TYW1B: variants seen among roughly 807,000 people sequenced by gnomAD.
TYW1B encodes the protein S-adenosyl-L-methionine-dependent tRNA 4-demethylwyosine synthase TYW1B.
A neutral mutation model predicts 86.9 loss-of-function variants in TYW1B; 73 were observed. The ratio of observed to expected loss-of-function variants is 0.84; its 90% CI spans 0.70 to 1.02. The LOEUF (loss-of-function observed/expected upper bound fraction) is 1.02, where lower values mean the gene tolerates loss of function less well. TYW1B is among the 50% of genes least tolerant of loss of function. The probability of loss-of-function intolerance (pLI) is 0.00; values close to 1 mark genes in which losing one functional copy is unlikely to be tolerated. For synonymous variants in TYW1B, 248 were observed against 292.8 expected (o/e 0.85, Z 1.56); for missense variants, 637 against 827.4 (o/e 0.77, Z 2.82).
chr7:72,771,222 A>G (rs1236601743), intron 7 of TYW1B, among the ~76,000 whole-genome samples: 1 of 152,138 alleles, frequency 6.6e-6, no homozygotes, highest in Non-Finnish European at 1.5e-5. Flanking sequence ...CTGGCCTCCC[A>G]AAGTGCTAGG....
intron 8 of TYW1B, among the ~76,000 whole-genome samples, chr7:72,743,752 G>C (rs546068127): frequency 6.6e-6 from 1 of 151,432 alleles, no homozygotes; most frequent in South Asian, 2.1e-4. Flanking sequence ...GCTGAGGCAG[G>C]AGAATCACTT....
intron 1 of TYW1B, among the ~76,000 whole-genome samples, chr7:72,827,694 G>A (rs1284991665): frequency 6.6e-6 from 1 of 152,024 alleles, no homozygotes; most frequent in Non-Finnish European, 1.5e-5. Flanking sequence ...ACTTGTAAAA[G>A]ATTCTCAAGT....
chr7:72,803,941 A>T (rs1229743406), intron 5 of TYW1B, among the ~76,000 whole-genome samples: 9 of 151,922 alleles, frequency 5.9e-5, no homozygotes, highest in Admixed American at 5.9e-4. Context: ...GAGGTGAAGT[A>T]GTTGTTTGTT....
At chr7:72,755,613 G>A (rs62466873) in intron 7 of TYW1B, among the ~76,000 whole-genome samples, 2,623 of 152,296 alleles carry the variant, frequency 0.017, 39 homozygotes, top group Non-Finnish European at 0.028. Context: ...GCAGTGAGCC[G>A]AGATCGTGCC....
At chr7:72,650,159 C>T in intron 11 of TYW1B, among the ~76,000 whole-genome samples, 1 of 151,680 alleles carries the variant, frequency 6.6e-6, no homozygotes, top group East Asian at 1.9e-4. Flanking sequence ...CGTGATCCAC[C>T]CACCTTGGCC....
At position 72,592,515 on chromosome 7, in the gene TYW1B, T is replaced by C. The variant is rs1811421175; in HGVS notation, c.1786-16796A>G. On this transcript the variant is annotated intron_variant, in intron 13 of 13. Transcript: ENST00000620995. ...AAAAAGCTGTAAGGCATATGAGAAA[T>C]AACAAAATGACAGAAGTAAATCCCT... Among the ~76,000 whole-genome samples the C allele has an allele frequency of 2.6e-5, 4 of 152,188 alleles. No individual in the cohort carries two copies. The South Asian group carries it at 8.3e-4, about 32-fold the overall frequency.
intron 12 of TYW1B, among the ~76,000 whole-genome samples, chr7:72,627,346 G>T (rs1320885308): frequency 2.0e-5 from 3 of 151,924 alleles, no homozygotes; most frequent in Non-Finnish European, 2.9e-5. Context: ...TACTTGGGAG[G>T]CTGAGGGAGG....
At chr7:72,698,613 T>G (rs1299821503) in intron 10 of TYW1B, among the ~76,000 whole-genome samples, 1 of 144,882 alleles carries the variant, frequency 6.9e-6, no homozygotes, top group African/African-American at 2.6e-5. Context: ...GCCACTGTAC[T>G]CCAGCCTGGG....
At chr7:72,609,576 AAAT>A (rs1366972875) in intron 13 of TYW1B, among the ~76,000 whole-genome samples, 1 of 151,994 alleles carries the variant, frequency 6.6e-6, no homozygotes, top group East Asian at 1.9e-4. Flanking sequence ...AAATAAAAAA[AAAT>A]AAATAAATTG....
At chr7:72,771,978 T>C (rs528372282) in intron 7 of TYW1B, among the ~76,000 whole-genome samples, 4 of 151,814 alleles carry the variant, frequency 2.6e-5, no homozygotes, top group Non-Finnish European at 4.4e-5. Flanking sequence ...TCCCACGTAA[T>C]TGGGACTACA....
intron 9 of TYW1B, chr7:72,722,924 TC>T: frequency 1.4e-6 from 1 of 712,594 alleles, no homozygotes. Flanking sequence ...AGTGGAGTCT[TC>T]CACACCCAGC....
intron 6 of TYW1B, among the ~76,000 whole-genome samples, chr7:72,795,659 TC>T (rs1333607874): frequency 7.0e-6 from 1 of 143,146 alleles, no homozygotes; most frequent in East Asian, 2.1e-4. Flanking sequence ...GGCACATTGT[TC>T]CCTCTGTAAT....
intron 11 of TYW1B, among the ~76,000 whole-genome samples, chr7:72,657,734 A>G (rs1813238033): frequency 6.6e-6 from 1 of 152,242 alleles, no homozygotes; most frequent in Non-Finnish European, 1.5e-5. Flanking sequence ...TACATCCAGC[A>G]AAACTATCCT....
rs1279392938 is a variant in TYW1B, at chr7:72,807,153, T to G, written c.636A>C (p.Lys212Asn). 1.9e-6 allele frequency: 3 copies of G among 1,614,124 alleles called. No homozygotes were observed. The highest frequency in any genetic ancestry group is 2.5e-6 in the Non-Finnish European group (3 of 1,180,010). Residue 212 changes from lysine to asparagine, a missense_variant, in exon 5 of 14, where the codon AAA becomes AAC. Coordinates refer to ENST00000620995, the MANE Select transcript of TYW1B (RefSeq NM_001145440.3). ...RKKSCGGHCKKGKCESHQHGS... is the reference protein window; with the variant it reads ...RKKSCGGHCKNGKCESHQHGS... ...CATGTTGGTGAGATTCACATTTGCC[T>G]TTCTTGCAGTGGCCGCCACAGGACT... is the stretch of plus-strand genomic sequence containing the variant.
chr7:72,611,825 G>T (rs1397357943), intron 13 of TYW1B, among the ~76,000 whole-genome samples: 4 of 152,104 alleles, frequency 2.6e-5, no homozygotes, highest in Non-Finnish European at 5.9e-5. Context: ...CGCACACTTG[G>T]TGCCATGTCT....
rs1554428290 is a variant in TYW1B at position 72,575,532 on chromosome 7, C to T, written c.1973G>A (p.Arg658Lys). The T allele has an allele frequency of 7.4e-6, 12 of 1,613,950 alleles. No individual in the cohort carries two copies. The highest frequency in any genetic ancestry group is 1.3e-5 in the African/African-American group (1 of 75,048). The change falls in exon 14 of 14, where the codon AGA becomes AAA. Residue 658 changes from arginine to lysine, a missense_variant. Transcript: ENST00000620995. ...SFDPKDTRHQ[R>K]KNKSKAISGC ...AGAAATAGCCTTTGATTTGTTCTTTCTCTGATGTCTTGTGTCCTTGGGATC... is the reference window on the plus strand; with the variant it reads ...AGAAATAGCCTTTGATTTGTTCTTTTTCTGATGTCTTGTGTCCTTGGGATC...
At chr7:72,702,941 A>T (rs1271590219) in intron 10 of TYW1B, among the ~76,000 whole-genome samples, 74 of 149,798 alleles carry the variant, frequency 4.9e-4, no homozygotes, top group African/African-American at 1.5e-3. Flanking sequence ...CATCCAACCC[A>T]CATATTTTGT....
chr7:72,606,607 GCCC>G (rs782240914), intron 13 of TYW1B, among the ~76,000 whole-genome samples: 1 of 56,858 alleles, frequency 1.8e-5, no homozygotes, highest in Non-Finnish European at 4.7e-5. Context: ...CAGCAATAAG[GCCC>G]CCCCCCCGCC....
At chr7:72,794,264 T>C (rs1554474093) in intron 6 of TYW1B, among the ~76,000 whole-genome samples, 2 of 152,006 alleles carry the variant, frequency 1.3e-5, no homozygotes, top group Non-Finnish European at 2.9e-5. Flanking sequence ...CAGCCATCAG[T>C]ATACTTCTTG....
Sources: allele counts gnomAD v4.1 joint callset (sites outside exome capture counted in the v4.1 genomes callset), GRCh38; gene constraint gnomAD v4.1.1; transcripts MANE v1.5; gene names NCBI Gene and HGNC (gene_info 2026-07-23, HGNC 2026-07-21).